Variants in PLCG2 observed in about 807,000 individuals in gnomAD.
PLCG2 encodes 1-phosphatidylinositol 4,5-bisphosphate phosphodiesterase gamma-2.
PLCG2 carries 69 observed loss-of-function variants against 175.6 expected under a neutral mutation model. The ratio of observed to expected loss-of-function variants is 0.39; its 90% CI spans 0.32 to 0.48. The LOEUF is 0.48. Among genes scored for constraint, PLCG2 ranks in the 20% least tolerant of loss-of-function variants. PLCG2 has a pLI of 0.91. For synonymous variants in PLCG2, 827 were observed against 624.0 expected (o/e 1.33, Z -4.85); for missense variants, 1,798 against 1,650.9 (o/e 1.09, Z -1.54).
At chr16:81,810,674 T>C (rs1227136865) in intron 2 of PLCG2, among the ~76,000 whole-genome samples, 1 of 152,126 alleles carries the variant, frequency 6.6e-6, no homozygotes, top group South Asian at 2.1e-4. Context: ...ATGTTGCTCT[T>C]TAAAATGGCC....
chr16:81,813,976 C>T (rs893661718), intron 2 of PLCG2, among the ~76,000 whole-genome samples: 13 of 152,132 alleles, frequency 8.5e-5, no homozygotes, highest in Non-Finnish European at 1.6e-4. Flanking sequence ...GTGAATCCAC[C>T]AGAGATGGAG....
rs1909089589 is a variant in PLCG2 at position 81,900,247 on chromosome 16, A to G, written c.1194-365A>G. Among the ~76,000 whole-genome samples, 2 of 152,246 alleles carry G rather than the reference A, an allele frequency of 1.3e-5. 1 individual carries two copies. The highest frequency in any genetic ancestry group is 4.1e-4 in the South Asian group (2 of 4,834). On this transcript the variant is annotated intron_variant, in intron 13 of 32. Transcript: ENST00000564138. ...CGTCCCTGTTGGTGACCCTGGGTGA[A>G]GCACACATGGGTGCTTATTGTGCTG...
chr16:81,948,650 C>A (rs1292816708), intron 31 of PLCG2, among the ~76,000 whole-genome samples: 1 of 152,212 alleles, frequency 6.6e-6, no homozygotes, highest in Non-Finnish European at 1.5e-5. Flanking sequence ...TGAGCTGGTC[C>A]TGGTTTTTGA....
rs920388083 is a variant in PLCG2 at position 81,858,157 on chromosome 16, C to T, written c.338-106C>T. On this transcript the variant is annotated intron_variant, in intron 3 of 32. Transcript: ENST00000564138. Reference sequence around the variant, plus strand: ...CTTTGCCTTCTGCAAAACTAGAAACCAGCATAGGCTTCTCCCATCTTCGTG... The same window carrying T: ...CTTTGCCTTCTGCAAAACTAGAAACTAGCATAGGCTTCTCCCATCTTCGTG... The T allele has an allele frequency of 9.9e-6, 8 of 804,228 alleles. No homozygotes were observed. The Admixed American group carries it at 1.1e-4, about 11-fold the overall frequency. The allele number at this position is 804,228 out of a possible 1,614,324, so 49.8% of individuals were successfully genotyped here.
intron 2 of PLCG2, among the ~76,000 whole-genome samples, chr16:81,768,367 A>C (rs1444789941): frequency 6.6e-6 from 1 of 152,172 alleles, no homozygotes; most frequent in Non-Finnish European, 1.5e-5. Flanking sequence ...TGTAAACATT[A>C]GTGTTTTTCT....
chr16:81,769,902 G>T (rs958617680), intron 2 of PLCG2, among the ~76,000 whole-genome samples: 6 of 150,942 alleles, frequency 4.0e-5, no homozygotes, highest in Admixed American at 3.3e-4. Flanking sequence ...TTTCACACCT[G>T]CCGGTCGCTT....
In PLCG2 at chr16:81,740,711, C is replaced by CCAGACT. The variant is rs1217453113; in HGVS notation, c.-145+1328_-145+1333dup. On this transcript the variant is annotated intron_variant, in intron 1 of 5. Coordinates refer to the PLCG2 transcript ENST00000565054. ...GTGCACTCCAGCTTAGGCAACAGAG[C>CCAGACT]CAGACTCCATCTCAAAAAAAAAAAA... is the stretch of plus-strand genomic sequence containing the variant. 5 of 109,834 alleles carry CCAGACT rather than the reference C, an allele frequency of 4.6e-5. No individual in the cohort carries two copies. The East Asian group carries it at 1.4e-3, about 31-fold the overall frequency. The allele number at this position is 109,834 out of a possible 1,614,324, so 6.8% of individuals were successfully genotyped here.
chr16:81,836,586 C>T (rs1398253459), intron 2 of PLCG2, among the ~76,000 whole-genome samples: 2 of 152,134 alleles, frequency 1.3e-5, no homozygotes, highest in Admixed American at 6.6e-5. Flanking sequence ...AACAAAAATA[C>T]AAAAGTTAGC....
intron 2 of PLCG2, among the ~76,000 whole-genome samples, chr16:81,764,714 T>G (rs1333099202): frequency 6.6e-6 from 1 of 152,220 alleles, no homozygotes; most frequent in Non-Finnish European, 1.5e-5. Context: ...AGCTGGAACC[T>G]CAGAACATAG....
At chr16:81,923,124 GT>G (rs1910124163) in intron 21 of PLCG2, among the ~76,000 whole-genome samples, 1 of 152,130 alleles carries the variant, frequency 6.6e-6, no homozygotes, top group South Asian at 2.1e-4. Flanking sequence ...TCCTTTCTTT[GT>G]TGAGGAAATT....
At chr16:81,847,762 A>T (rs1341020531) in intron 2 of PLCG2, among the ~76,000 whole-genome samples, 1 of 152,220 alleles carries the variant, frequency 6.6e-6, no homozygotes, top group African/African-American at 2.4e-5. Context: ...CATAACATTT[A>T]CATTGTATTA....
intron 7 of PLCG2, among the ~76,000 whole-genome samples, chr16:81,880,295 C>G (rs181586385): frequency 1.3e-5 from 2 of 152,150 alleles, no homozygotes; most frequent in African/African-American, 2.4e-5. Context: ...AGTGGAGGTG[C>G]CTATCTCAAC....
chr16:81,768,669 G>A (rs1465829711), intron 2 of PLCG2, among the ~76,000 whole-genome samples: 7 of 147,920 alleles, frequency 4.7e-5, no homozygotes, highest in East Asian at 4.2e-4. Context: ...GGGTTCAAGC[G>A]ACCCTCCTGC....
intron 30 of PLCG2, among the ~76,000 whole-genome samples, chr16:81,942,850 C>T (rs914154480): frequency 6.6e-6 from 1 of 152,108 alleles, no homozygotes; most frequent in Non-Finnish European, 1.5e-5. Flanking sequence ...ATTGATCTTA[C>T]TTTAAAAGGT....
At chr16:81,831,171 G>C (rs1435529654) in intron 2 of PLCG2, among the ~76,000 whole-genome samples, 1 of 152,154 alleles carries the variant, frequency 6.6e-6, no homozygotes, top group East Asian at 1.9e-4. Flanking sequence ...AGTTTTTGTA[G>C]CACTTGTGAT....
chr16:81,812,496 G>C (rs61506152), intron 2 of PLCG2, among the ~76,000 whole-genome samples: 41,863 of 152,218 alleles, frequency 0.28, 6,036 homozygotes, highest in Middle Eastern at 0.34. Context: ...CTTTTGAGAA[G>C]TGTCTGTTCA....
intron 9 of PLCG2, 34 bp downstream of exon 9, chr16:81,883,375 G>C: frequency 6.4e-7 from 1 of 1,567,744 alleles, no homozygotes; most frequent in Non-Finnish European, 8.8e-7. Flanking sequence ...GCCTGAGGGA[G>C]CTGGCGGGAT....
chr16:81,768,154 G>T (rs1317767214), intron 2 of PLCG2, among the ~76,000 whole-genome samples: 1 of 152,122 alleles, frequency 6.6e-6, no homozygotes, highest in Non-Finnish European at 1.5e-5. Context: ...GGGATTATAG[G>T]CGTGAGCCAC....
intron 9 of PLCG2, among the ~76,000 whole-genome samples, chr16:81,888,503 C>G (rs1597109474): frequency 6.6e-6 from 1 of 152,202 alleles, no homozygotes; most frequent in Non-Finnish European, 1.5e-5. Flanking sequence ...GGTCTGAGCA[C>G]TTTCTGTGCA....
Sources: allele counts gnomAD v4.1 joint callset (sites outside exome capture counted in the v4.1 genomes callset), GRCh38; gene constraint gnomAD v4.1.1; transcripts MANE v1.5; gene names NCBI Gene and HGNC (gene_info 2026-07-23, HGNC 2026-07-21).